The following BAHCC1 variants were observed in gnomAD, a reference collection of about 807,000 sequenced individuals.
The protein encoded by BAHCC1 is BAH domain and coiled-coil containing 1.
A neutral mutation model predicts 88.2 loss-of-function variants in BAHCC1; 43 were observed. That is an observed-to-expected ratio of 0.49 (90% CI 0.38 to 0.63). The LOEUF (loss-of-function observed/expected upper bound fraction) is 0.63, where lower values mean the gene tolerates loss of function less well. BAHCC1 is among the 20% of genes least tolerant of loss of function. The pLI, the probability that BAHCC1 is intolerant of heterozygous loss-of-function variation, is 0.00. For synonymous variants in BAHCC1, 1,510 were observed against 745.5 expected (o/e 2.03, Z -16.71); for missense variants, 3,023 against 1,654.8 (o/e 1.83, Z -14.34).
chr17:81,410,075 T>C, intron 2 of BAHCC1: 2 of 376,190 alleles, frequency 5.3e-6, no homozygotes, highest in Non-Finnish European at 1.1e-5. Flanking sequence ...GCAGTTGCCC[T>C]GCCCTGCTGG....
In BAHCC1 at chr17:81,452,708, C is replaced by T. The variant is rs371064002; in HGVS notation, c.4317-15C>T. 8.1e-6 allele frequency: 6 copies of T among 743,218 alleles called. No individual in the cohort carries two copies. The highest frequency in any genetic ancestry group is 5.4e-5 in the East Asian group (2 of 37,258). 46.0% of individuals were successfully genotyped at this position (743,218 alleles called of 1,614,324 possible). A position where few individuals can be genotyped will look rare whatever the true frequency, so the allele number is the denominator to read the frequency against. On this transcript the variant is annotated splice_polypyrimidine_tract_variant and intron_variant, in intron 13 of 27. Transcript: ENST00000675386. ...TTGTGCATGAGCCTCTGACCATCCCCCCTGCGGCCCCCAGGAGAGACGAGA... is the reference window on the plus strand; with the variant it reads ...TTGTGCATGAGCCTCTGACCATCCCTCCTGCGGCCCCCAGGAGAGACGAGA...
chr17:81,457,660 G>A (rs1326193758), intron 17 of BAHCC1, 68 bp downstream of exon 17: 1 of 642,946 alleles, frequency 1.6e-6, no homozygotes, highest in Non-Finnish European at 2.9e-6. Context: ...TAGATAACCA[G>A]GAGGGAGGGC....
chr17:81,441,689 AAGAG>A (rs1403949172), intron 4 of BAHCC1, 138 bp from the exon 5 acceptor site: 10 of 430,510 alleles, frequency 2.3e-5, no homozygotes, highest in Middle Eastern at 3.3e-4. Flanking sequence ...AAAAAAAAAA[AAGAG>A]CAAAAACCTT....
At chr17:81,396,762 C>T (rs930847147) in intron 1 of BAHCC1, 14 of 152,262 alleles carry the variant, frequency 9.2e-5, no homozygotes, top group Non-Finnish European at 2.1e-4. Context: ...ACCGGCGGCT[C>T]CAGGGTCACG....
In BAHCC1 at chr17:81,461,874, C is replaced by T. The variant is rs377022820; in HGVS notation, c.7211C>T (p.Ser2404Leu). ...RATVAGTGAG[S>L]GPSSSSKSKL... The stretch of plus-strand genomic sequence containing the variant: ...ACGGTGGCTGGCACCGGTGCGGGCT[C>T]AGGCCCCAGCAGCAGCAGCAAATCC... Residue 2404 changes from serine (S) to leucine (L), a missense_variant, in exon 26 of 28, where the codon TCA becomes TTA. By Grantham distance (145) the Ser-to-Leu change is moderately radical (BLOSUM62 -2). Transcript: ENST00000675386. The T allele has an allele frequency of 6.3e-5, 46 of 725,644 alleles. No individual in the cohort carries two copies. The highest frequency in any genetic ancestry group is 3.2e-4 in the East Asian group (12 of 37,680). 45.0% of individuals were successfully genotyped at this position (725,644 alleles called of 1,614,324 possible).
chr17:81,398,825 A>G lies in BAHCC1; in HGVS notation c.-206-709A>G, dbSNP rs545346796. ...CTGGGGTCCTAGCGCGATGCTGGGG[A>G]CAGGAGCTGGTCCCGCTGGGGCTGG... is the stretch of plus-strand genomic sequence containing the variant. On this transcript the variant is annotated intron_variant, in intron 1 of 27. Transcript: ENST00000675386. Among the ~76,000 whole-genome samples the G allele has an allele frequency of 1.4e-3, 216 of 151,522 alleles. 2 individuals are homozygous for G. The highest frequency in any genetic ancestry group is 5.0e-3 in the African/African-American group (208 of 41,240).
chr17:81,424,920 G>GC (rs2064157801), intron 2 of BAHCC1, among the ~76,000 whole-genome samples: 9 of 150,920 alleles, frequency 6.0e-5, no homozygotes, highest in South Asian at 4.2e-4. Context: ...TGTGGTTGGT[G>GC]TGATGTGGTT....
intron 2 of BAHCC1, among the ~76,000 whole-genome samples, chr17:81,423,636 G>A (rs1256039292): frequency 6.6e-6 from 1 of 152,256 alleles, no homozygotes; most frequent in African/African-American, 2.4e-5. Flanking sequence ...AGGTGCCAGG[G>A]TGCCTGGCTG....
chr17:81,416,922 C>T (rs1475724773), intron 2 of BAHCC1, among the ~76,000 whole-genome samples: 17 of 152,212 alleles, frequency 1.1e-4, no homozygotes, highest in Admixed American at 2.0e-4. Context: ...CAGCCCGGCT[C>T]TGTCGGGGCT....
At chr17:81,401,950 C>T (rs976683362) in intron 2 of BAHCC1, 22 of 152,372 alleles carry the variant, frequency 1.4e-4, no homozygotes, top group African/African-American at 5.3e-4. Flanking sequence ...GTCGGGTGGC[C>T]TAGCCCTTTG....
chr17:81,436,295 G>A (rs965460913), intron 3 of BAHCC1, among the ~76,000 whole-genome samples: 4 of 152,194 alleles, frequency 2.6e-5, no homozygotes, highest in African/African-American at 2.4e-5. Flanking sequence ...TGAGGGACAC[G>A]CATAGCTGCC....
At chr17:81,415,045 C>T (rs1225893125) in intron 2 of BAHCC1, among the ~76,000 whole-genome samples, 1 of 151,340 alleles carries the variant, frequency 6.6e-6, no homozygotes, top group Non-Finnish European at 1.5e-5. Context: ...CCCTGGTTCC[C>T]ATTGGAGCTC....
In BAHCC1 at chr17:81,411,316, G is replaced by A. The variant is rs1363736497; in HGVS notation, c.178+11399G>A. ...ACAGGCAGCAGGAGCTGGACGTGCCGTCAGCCCAGGCCCCTGAGAGTGAGG... is the reference window on the plus strand; with the variant it reads ...ACAGGCAGCAGGAGCTGGACGTGCCATCAGCCCAGGCCCCTGAGAGTGAGG... On this transcript the variant is annotated intron_variant, in intron 2 of 27. Coordinates refer to ENST00000675386, the MANE Select transcript of BAHCC1 (RefSeq NM_001377448.1). The surrounding 1 kb of genome is among the most constrained non-coding windows in gnomAD (Gnocchi z 6.2). 7.2e-5 allele frequency among the ~76,000 whole-genome samples: 11 copies of A among 151,858 alleles called. No homozygotes were observed. The highest frequency in any genetic ancestry group is 2.4e-4 in the African/African-American group (10 of 41,342).
Position 81,444,929 on chromosome 17 carries a change from G to A in BAHCC1, c.2672-86G>A. Reference sequence around the variant, plus strand: ...GGCTCAGGAGGGAGCGGTGGGCTTGGTGGGCTGAGGAAAGGGTGGCGGGGA... The same window carrying A: ...GGCTCAGGAGGGAGCGGTGGGCTTGATGGGCTGAGGAAAGGGTGGCGGGGA... On this transcript the variant is annotated intron_variant, in intron 8 of 27. Transcript: ENST00000675386. The A allele has an allele frequency of 8.7e-6, 6 of 685,760 alleles. No homozygotes were observed. In the South Asian group the frequency reaches 9.2e-5, roughly 11 times the overall value. 42.5% of individuals were successfully genotyped at this position (685,760 alleles called of 1,614,324 possible). A position where few individuals can be genotyped will look rare whatever the true frequency, so the allele number is the denominator to read the frequency against.
intron 3 of BAHCC1, among the ~76,000 whole-genome samples, chr17:81,436,004 G>A (rs1278592989): frequency 1.3e-5 from 2 of 152,222 alleles, no homozygotes; most frequent in Non-Finnish European, 2.9e-5. Flanking sequence ...TGGGCTGGGA[G>A]GACCTTTTCC....
chr17:81,448,109 G>T (rs1555655073), intron 11 of BAHCC1, among the ~76,000 whole-genome samples: 2 of 152,320 alleles, frequency 1.3e-5, no homozygotes. Context: ...CAGAGGAAGG[G>T]CCTCTCGGGC....
At chr17:81,416,509 G>A (rs1420638887) in intron 2 of BAHCC1, among the ~76,000 whole-genome samples, 5 of 149,882 alleles carry the variant, frequency 3.3e-5, no homozygotes, top group South Asian at 2.1e-4. Flanking sequence ...GCATGTGTGC[G>A]TGTGTGTCCA....
chr17:81,460,768 C>G (rs3744147), intron 25 of BAHCC1, 62 bp downstream of exon 25: 125,081 of 774,478 alleles, frequency 0.16, 11,093 homozygotes, highest in East Asian at 0.31. Context: ...GCTGGGGGAA[C>G]CAGGAGGCCC....
Position 81,465,109 on chromosome 17 carries a change from G to A in BAHCC1, c.*1292G>A, listed in dbSNP as rs967669430. ...GCTGCGTAGATGGTGGTGAGGCCAG[G>A]CCAGCAGTGCTGTGGCCAGGGGAGA... On this transcript the variant is annotated 3_prime_UTR_variant, in exon 28 of 28. Coordinates refer to ENST00000675386, the MANE Select transcript of BAHCC1 (RefSeq NM_001377448.1). The A allele has an allele frequency of 9.2e-5, 14 of 152,386 alleles. No individual in the cohort carries two copies. The highest frequency in any genetic ancestry group is 3.4e-4 in the African/African-American group (14 of 41,570). 9.4% of individuals were successfully genotyped at this position (152,386 alleles called of 1,614,324 possible). A position where few individuals can be genotyped will look rare whatever the true frequency, so the allele number is the denominator to read the frequency against.
Sources: allele counts gnomAD v4.1 joint callset (sites outside exome capture counted in the v4.1 genomes callset), GRCh38; gene constraint gnomAD v4.1.1; non-coding constraint Gnocchi (gnomAD v3.1); transcripts MANE v1.5; gene names NCBI Gene and HGNC (gene_info 2026-07-23, HGNC 2026-07-21).